RCC1: variants seen among roughly 807,000 people sequenced by gnomAD.
RCC1 encodes regulator of chromosome condensation.
RCC1 carries 11 observed loss-of-function variants against 44.4 expected under a neutral mutation model. The observed-to-expected ratio is 0.25, with a 90% CI of 0.16 to 0.41. The LOEUF is 0.41. RCC1 is among the 10% of genes least tolerant of loss of function. The probability of loss-of-function intolerance (pLI) is 1.00; values close to 1 mark genes in which losing one functional copy is unlikely to be tolerated. For synonymous variants in RCC1, 213 were observed against 216.5 expected (o/e 0.98, Z 0.14); for missense variants, 386 against 547.1 (o/e 0.71, Z 2.94).
intron 3 of RCC1, among the ~76,000 whole-genome samples, chr1:28,511,592 A>G (rs1662544939): frequency 6.6e-6 from 1 of 151,436 alleles, no homozygotes; most frequent in Admixed American, 6.6e-5. Flanking sequence ...GAAGGTCTCC[A>G]TCTCCTGACC....
rs1664463128 is a variant in RCC1, at chr1:28,535,136, G to A, written c.528G>A (p.Lys176=). The A allele has an allele frequency of 4.3e-6, 7 of 1,614,150 alleles. No individual in the cohort carries two copies. The East Asian group carries it at 1.6e-4, about 36-fold the overall frequency. ...TGCAGCTGGATGTGCCTGTGGTAAA[G>A]GTGGCCTCAGGTGGGTCTGGGGGCA... is the stretch of plus-strand genomic sequence containing the variant. The part of the protein sequence containing the change: ...VQVQLDVPVV[K]VASGNDHLVM... The change falls in exon 8 of 13, where the codon AAG becomes AAA. Residue 176 remains lysine (K), a synonymous_variant. Transcript: ENST00000683442.
chr1:28,531,710 G>A (rs1181826438), intron 5 of RCC1, 93 bp from the exon 6 acceptor site: 3 of 1,031,872 alleles, frequency 2.9e-6, no homozygotes, highest in African/African-American at 3.2e-5. Context: ...CAGAGCAGGG[G>A]CTTCTGCACA....
Position 28,537,902 on chromosome 1 carries a change from C to T in RCC1, c.1161C>T (p.Ser387=). 1.2e-6 allele frequency: 2 copies of T among 1,613,656 alleles called. No homozygotes were observed. The highest frequency in any genetic ancestry group is 1.7e-5 in the Admixed American group (1 of 59,900). Residue 387 remains serine, a synonymous_variant, in exon 13 of 13, where the codon AGC becomes AGT. Coordinates refer to ENST00000683442, the MANE Select transcript of RCC1 (RefSeq NM_001381865.2). Reference sequence around the variant, plus strand: ...CAGGGCAGGATGAGGACGCCTGGAGCCCTGTGGAGATGATGGGCAAACAGC... The same window carrying T: ...CAGGGCAGGATGAGGACGCCTGGAGTCCTGTGGAGATGATGGGCAAACAGC... ...LGTGQDEDAW[S]PVEMMGKQLE... is the part of the protein sequence containing the mutation.
Position 28,537,891 on chromosome 1 carries a change from G to A in RCC1, c.1150G>A (p.Asp384Asn), listed in dbSNP as rs1664649806. Residue 384 changes from aspartate to asparagine, a missense_variant, in exon 13 of 13, where the codon GAC (aspartate) becomes AAC (asparagine). Transcript: ENST00000683442. ...CCAGCTGGGCACAGGGCAGGATGAG[G>A]ACGCCTGGAGCCCTGTGGAGATGAT... Reference protein sequence around the residue: ...NYQLGTGQDEDAWSPVEMMGK... With the variant: ...NYQLGTGQDENAWSPVEMMGK... The A allele has an allele frequency of 6.2e-7, 1 of 1,613,562 alleles. No individual in the cohort carries two copies. Among genetic ancestry groups the A allele is most frequent in the Admixed American group, 1.7e-5 (1 of 59,908 alleles).
chr1:28,530,958 T>G (rs377135481), intron 5 of RCC1, among the ~76,000 whole-genome samples: 22 of 152,248 alleles, frequency 1.4e-4, no homozygotes, highest in African/African-American at 4.8e-4. Flanking sequence ...CTCCCTTGCT[T>G]TCGGTGCAGA....
chr1:28,524,061 C>T (rs184569958), intron 4 of RCC1, among the ~76,000 whole-genome samples: 1 of 152,210 alleles, frequency 6.6e-6, no homozygotes, highest in Non-Finnish European at 1.5e-5. Context: ...GTGATCCACC[C>T]GCCTTGGCCT....
chr1:28,508,107 G>C (rs1018263197), intron 1 of RCC1, 21 bp from the exon 2 acceptor site: 4 of 443,484 alleles, frequency 9.0e-6, no homozygotes, highest in African/African-American at 6.0e-5. Flanking sequence ...TGTACTAATA[G>C]ATTAATATCT....
intron 4 of RCC1, among the ~76,000 whole-genome samples, chr1:28,517,968 G>A (rs1662992724): frequency 1.3e-5 from 2 of 152,012 alleles, no homozygotes; most frequent in Non-Finnish European, 1.5e-5. Flanking sequence ...TTTTTTCTCC[G>A]TACAGACCCT....
At chr1:28,535,521 T>C in intron 9 of RCC1, 141 bp downstream of exon 9, 1 of 1,348,946 alleles carries the variant, frequency 7.4e-7, no homozygotes, top group Non-Finnish European at 1.0e-6. Flanking sequence ...GACAGACTGC[T>C]CTGGTAGTTT....
intron 12 of RCC1, among the ~76,000 whole-genome samples, chr1:28,537,355 C>G (rs893877384): frequency 2.0e-5 from 3 of 152,138 alleles, no homozygotes; most frequent in Non-Finnish European, 4.4e-5. Flanking sequence ...CAAGTGACCA[C>G]CAAAGCCTGA....
At position 28,534,329 on chromosome 1, in the gene RCC1, C is replaced by T. The variant is rs895869559; in HGVS notation, c.442-721C>T. Among the ~76,000 whole-genome samples the T allele has an allele frequency of 3.9e-5, 6 of 152,138 alleles. No individual in the cohort carries two copies. In the South Asian group the frequency reaches 6.2e-4, roughly 16 times the overall value. ...CCGAGTAGCTGGGACTACAGGCGCCCGCTACAACGCCCGGCTAATTTTTTG... is the reference window on the plus strand; with the variant it reads ...CCGAGTAGCTGGGACTACAGGCGCCTGCTACAACGCCCGGCTAATTTTTTG... On this transcript the variant is annotated intron_variant, in intron 7 of 12. Transcript: ENST00000683442.
chr1:28,509,061 C>A, intron 3 of RCC1, 156 bp downstream of exon 3: 1 of 365,062 alleles, frequency 2.7e-6, no homozygotes, highest in South Asian at 2.1e-5. Context: ...CCTCAGCCTC[C>A]CAAGTAGCTG....
Position 28,506,043 on chromosome 1 carries a change from C to A in RCC1, c.-303C>A. The A allele has an allele frequency of 2.2e-6, 1 of 456,016 alleles. No homozygotes were observed. The highest frequency in any genetic ancestry group is 4.4e-6 in the Non-Finnish European group (1 of 226,794). 28.2% of individuals were successfully genotyped at this position (456,016 alleles called of 1,614,324 possible). ...AAAGGATGCTTCGCGTTTTCTCTCT[C>A]CTTTTTGGAGACAGATTCGCAGTGG... On this transcript the variant is annotated 5_prime_UTR_variant, in exon 1 of 13. Coordinates refer to ENST00000683442, the MANE Select transcript of RCC1 (RefSeq NM_001381865.2).
rs1404665203 is a variant in RCC1 at position 28,516,767 on chromosome 1, G to C, written c.-110G>C. 2 of 455,442 alleles carry C rather than the reference G, an allele frequency of 4.4e-6. No homozygotes were observed. Among genetic ancestry groups the C allele is most frequent in the Non-Finnish European group, 8.8e-6 (2 of 226,606 alleles). 28.2% of individuals were successfully genotyped at this position (455,442 alleles called of 1,614,324 possible). On this transcript the variant is annotated 5_prime_UTR_variant, in exon 4 of 13. Coordinates refer to ENST00000683442, the MANE Select transcript of RCC1 (RefSeq NM_001381865.2). The stretch of plus-strand genomic sequence containing the variant: ...ATCTTGGAGGAAGACAGCAGAGAGA[G>C]AGAGAGAGATCAGAGATCCCAGGGT...
Position 28,538,579 on chromosome 1 carries a change from A to T in RCC1, c.*572A>T, listed in dbSNP as rs531594218. The T allele has an allele frequency of 2.6e-5, 4 of 152,420 alleles. No individual in the cohort carries two copies. The highest frequency in any genetic ancestry group is 9.6e-5 in the African/African-American group (4 of 41,578). The allele number at this position is 152,420 out of a possible 1,614,324, so 9.4% of individuals were successfully genotyped here. ...AACAGGTGTCCATGGGACAAAAAAGAACGATCCTCCACTTGACCAAGAAAA... is the reference window on the plus strand; with the variant it reads ...AACAGGTGTCCATGGGACAAAAAAGTACGATCCTCCACTTGACCAAGAAAA... On this transcript the variant is annotated 3_prime_UTR_variant, in exon 13 of 13. Transcript: ENST00000683442.
At chr1:28,509,000 GTC>G (rs756716575) in intron 3 of RCC1, 95 bp downstream of exon 3, 3 of 425,928 alleles carry the variant, frequency 7.0e-6, no homozygotes, top group Non-Finnish European at 1.4e-5. Context: ...CCTTTTGAGA[GTC>G]TTGCTCTGTC....
chr1:28,532,800 T>A (rs747804521), intron 7 of RCC1: 1 of 439,460 alleles, frequency 2.3e-6, no homozygotes, highest in South Asian at 1.6e-5. Flanking sequence ...TGGGTTTTTG[T>A]TGTTGTTGTT....
intron 1 of RCC1, chr1:28,507,926 G>A: frequency 3.3e-6 from 1 of 303,748 alleles, no homozygotes; most frequent in Non-Finnish European, 6.5e-6. Flanking sequence ...CTTAATACAT[G>A]TTTAAGAAAA....
Position 28,508,113 on chromosome 1 carries a change from T to C in RCC1, c.-261-15T>C, listed in dbSNP as rs1433354482. 1 of 443,410 alleles carries C rather than the reference T, an allele frequency of 2.3e-6. No homozygotes were observed. The highest frequency in any genetic ancestry group is 2.4e-5 in the Admixed American group (1 of 41,436). 27.5% of individuals were successfully genotyped at this position (443,410 alleles called of 1,614,324 possible). ...GGGTTTTGCTGTACTAATAGATTAA[T>C]ATCTTGTTTTGCAGGATTTGTTAAG... On this transcript the variant is annotated splice_polypyrimidine_tract_variant and intron_variant, in intron 1 of 12. Transcript: ENST00000683442.
Sources: allele counts gnomAD v4.1 joint callset (sites outside exome capture counted in the v4.1 genomes callset), GRCh38; gene constraint gnomAD v4.1.1; transcripts MANE v1.5; gene names NCBI Gene and HGNC (gene_info 2026-07-23, HGNC 2026-07-21).